NDEL1: variants seen among roughly 807,000 people sequenced by gnomAD.
NDEL1 encodes nudE neurodevelopment protein 1 like 1.
NDEL1 carries 9 observed loss-of-function variants against 45.7 expected under a neutral mutation model. That is an observed-to-expected ratio of 0.20 (90% CI 0.12 to 0.34). The LOEUF (loss-of-function observed/expected upper bound fraction) is 0.34. Ranked by LOEUF, NDEL1 falls within the 10% of genes least tolerant of loss-of-function variation. The pLI, the probability that NDEL1 is intolerant of heterozygous loss-of-function variation, is 1.00. For missense variants in NDEL1, 306 were observed against 406.2 expected (o/e 0.75, Z 2.12); for synonymous variants, 133 against 158.6 (o/e 0.84, Z 1.21).
intron 8 of NDEL1, chr17:8,466,297 G>A (rs775452421): frequency 6.6e-6 from 1 of 152,072 alleles, no homozygotes; most frequent in Non-Finnish European, 1.5e-5. Flanking sequence ...ATGTTGGTGT[G>A]TGTATATATA....
At position 8,445,882 on chromosome 17, in the gene NDEL1, C is replaced by T. The variant is rs191213045; in HGVS notation, c.240+18C>T. On this transcript the variant is annotated intron_variant, in intron 3 of 8. Transcript: ENST00000334527. ...CATTAAAGGTAATTGCAGCAGTAGA[C>T]GCTGGGGTCTAATGTGTTGAGTTTT... 1.5e-4 allele frequency: 228 copies of T among 1,480,202 alleles called. No individual in the cohort carries two copies. The African/African-American group carries it at 2.2e-3, about 15-fold the overall frequency. The allele number at this position is 1,480,202 out of a possible 1,614,324, so 91.7% of individuals were successfully genotyped here. A position where few individuals can be genotyped will look rare whatever the true frequency, so the allele number is the denominator to read the frequency against.
chr17:8,462,004 A>G (rs1911241945), intron 8 of NDEL1, among the ~76,000 whole-genome samples: 1 of 152,018 alleles, frequency 6.6e-6, no homozygotes, highest in Admixed American at 6.6e-5. Flanking sequence ...CTCCCAAGAC[A>G]GAGCACCAGG....
At chr17:8,428,259 T>A (rs1235653925) in intron 1 of NDEL1, among the ~76,000 whole-genome samples, 1 of 151,918 alleles carries the variant, frequency 6.6e-6, no homozygotes, top group East Asian at 1.9e-4. Flanking sequence ...AACTCCTTGC[T>A]AATGAATGAA....
At chr17:8,468,771 C>T (rs998629615), downstream of NDEL1, among the ~76,000 whole-genome samples, 1 of 152,180 alleles carries the variant, frequency 6.6e-6, no homozygotes. Flanking sequence ...TTCGGGAGGC[C>T]GAGGTGGGCG....
At position 8,463,553 on chromosome 17, in the gene NDEL1, C is replaced by T. The variant is rs551321842; in HGVS notation, c.945-3377C>T. ...TTAGTTCAGCTGTGAGAAACAAGAACAAATTAGTTGCAGTGGTCCTGGGGT... is the reference window on the plus strand; with the variant it reads ...TTAGTTCAGCTGTGAGAAACAAGAATAAATTAGTTGCAGTGGTCCTGGGGT... On this transcript the variant is annotated intron_variant, in intron 8 of 8. Coordinates refer to ENST00000334527, the MANE Select transcript of NDEL1 (RefSeq NM_030808.5). Among the ~76,000 whole-genome samples, 12 of 152,292 alleles carry T rather than the reference C, an allele frequency of 7.9e-5. 1 individual carries two copies. The South Asian group carries it at 2.3e-3, about 29-fold the overall frequency.
intron 2 of NDEL1, among the ~76,000 whole-genome samples, chr17:8,445,478 A>C (rs1301002754): frequency 9.7e-5 from 3 of 30,822 alleles, no homozygotes; most frequent in Non-Finnish European, 3.6e-4. Context: ...TGAGCCACGT[A>C]GCCTTACTTT....
intron 6 of NDEL1, among the ~76,000 whole-genome samples, chr17:8,452,861 T>C (rs1479440062): frequency 6.7e-6 from 1 of 150,252 alleles, no homozygotes; most frequent in Non-Finnish European, 1.5e-5. Flanking sequence ...TGCCTTGGCC[T>C]CCCAAGTAGC....
intron 1 of NDEL1, among the ~76,000 whole-genome samples, chr17:8,443,466 C>A (rs1345917228): frequency 6.6e-6 from 1 of 152,072 alleles, no homozygotes; most frequent in Admixed American, 6.6e-5. Context: ...CTGAAAGAGC[C>A]TGGTGTGTTA....
chr17:8,454,831 C>T lies in NDEL1; in HGVS notation c.736C>T (p.Pro246Ser). The change falls in exon 7 of 9, where the codon CCC (proline) becomes TCC (serine). Residue 246 changes from proline to serine, a missense_variant. By Grantham distance (74) the Pro-to-Ser change is moderately conservative (BLOSUM62 -1). Around this residue, in one of 3 missense-constraint regions of NDEL1, gnomAD observed 175 missense variants for 205.2 expected, o/e 0.85. Coordinates refer to ENST00000334527, the MANE Select transcript of NDEL1 (RefSeq NM_030808.5). ...TGGTTTTGGTACCAGTCCACTAACT[C>T]CCTCTGCTAGGATATCAGCACTAAA... ...PNGFGTSPLTPSARISALNIV... is the reference protein window; with the variant it reads ...PNGFGTSPLTSSARISALNIV... 6.2e-7 allele frequency: 1 copy of T among 1,614,012 alleles called. No homozygotes were observed. Among genetic ancestry groups the T allele is most frequent in the Non-Finnish European group, 8.5e-7 (1 of 1,179,946 alleles).
chr17:8,457,711 A>T (rs1910930114), intron 7 of NDEL1, among the ~76,000 whole-genome samples: 1 of 152,026 alleles, frequency 6.6e-6, no homozygotes, highest in Non-Finnish European at 1.5e-5. Flanking sequence ...ATTTGTAGCC[A>T]TTCCTCCTTT....
chr17:8,445,981 A>T, intron 3 of NDEL1, 117 bp downstream of exon 3: 1 of 1,069,040 alleles, frequency 9.4e-7, no homozygotes, highest in Admixed American at 3.1e-5. Context: ...AAAAACGCTT[A>T]AAGTGAATTT....
At chr17:8,448,775 A>G (rs1307044134) in intron 5 of NDEL1, 89 bp downstream of exon 5, 12 of 1,293,746 alleles carry the variant, frequency 9.3e-6, no homozygotes, top group Non-Finnish European at 1.3e-5. Flanking sequence ...ATTTTTTTTC[A>G]ACCAAATGTG....
chr17:8,432,376 TGGCAGGCCAA>T (rs2151700544), upstream of NDEL1, among the ~76,000 whole-genome samples: 1 of 134,826 alleles, frequency 7.4e-6, no homozygotes, highest in Admixed American at 7.8e-5. Flanking sequence ...ATATATTTAA[TGGCAGGCCAA>T]TATATATATA....
In NDEL1 at chr17:8,448,661, A is replaced by G. The variant is rs372088307; in HGVS notation, c.501A>G (p.Val167=). ...LDEKESLLVS[V]QRLKDEARDL... ...AAAAGGAATCTTTGTTGGTCTCTGTACAGAGGTTAAAGGATGAAGCAAGAG... is the reference window on the plus strand; with the variant it reads ...AAAAGGAATCTTTGTTGGTCTCTGTGCAGAGGTTAAAGGATGAAGCAAGAG... The change falls in exon 5 of 9, where the codon GTA becomes GTG. Residue 167 remains valine (V), a synonymous_variant. Transcript: ENST00000334527. The G allele has an allele frequency of 4.9e-5, 79 of 1,613,664 alleles. No homozygotes were observed. Among genetic ancestry groups the G allele is most frequent in the Non-Finnish European group, 6.6e-5 (78 of 1,179,838 alleles).
intron 4 of NDEL1, 117 bp from the exon 5 acceptor site, chr17:8,448,433 T>C (rs144671044): frequency 1.6e-5 from 17 of 1,075,756 alleles, no homozygotes; most frequent in South Asian, 6.6e-5. Context: ...TCTTCTTTGA[T>C]TGGGGCCAGG....
chr17:8,434,721 G>A (rs961439350), upstream of NDEL1, among the ~76,000 whole-genome samples: 1 of 151,952 alleles, frequency 6.6e-6, no homozygotes, highest in African/African-American at 2.4e-5. Context: ...GAATACACAC[G>A]CGCGCACACA....
At position 8,450,987 on chromosome 17, in the gene NDEL1, T is replaced by C. The variant is rs762439188; in HGVS notation, c.700+34T>C. 11 of 1,589,084 alleles carry C rather than the reference T, an allele frequency of 6.9e-6. No homozygotes were observed. In the East Asian group the frequency reaches 2.5e-4, roughly 36 times the overall value. Reference sequence around the variant, plus strand: ...TGTCTTTTCTTTTTGAGGCGATGTGTTAGATGATCAGCTTACGGGGGTTTG... The same window carrying C: ...TGTCTTTTCTTTTTGAGGCGATGTGCTAGATGATCAGCTTACGGGGGTTTG... On this transcript the variant is annotated intron_variant, in intron 6 of 8. Transcript: ENST00000334527.
chr17:8,456,010 C>T (rs1010955639), intron 7 of NDEL1, among the ~76,000 whole-genome samples: 27 of 152,322 alleles, frequency 1.8e-4, no homozygotes, highest in African/African-American at 6.5e-4. Context: ...TACTATTTCC[C>T]TTAGTGAGTT....
At chr17:8,429,971 G>C (rs1010926482) in intron 1 of NDEL1, among the ~76,000 whole-genome samples, 4 of 152,100 alleles carry the variant, frequency 2.6e-5, no homozygotes, top group African/African-American at 9.7e-5. Flanking sequence ...ACTGAAATAT[G>C]ACTAGATTTA....
Sources: allele counts gnomAD v4.1 joint callset (sites outside exome capture counted in the v4.1 genomes callset), GRCh38; gene constraint gnomAD v4.1.1; regional missense constraint gnomAD v4.1.1; transcripts MANE v1.5; gene names NCBI Gene and HGNC (gene_info 2026-07-23, HGNC 2026-07-21).